KANSL3: variants seen among roughly 807,000 people sequenced by gnomAD.
The protein encoded by KANSL3 is NSL complex protein NSL3.
In KANSL3, 16 loss-of-function variants were observed where a neutral mutation model predicts 89.2. That is an observed-to-expected ratio of 0.18 (90% CI 0.12 to 0.27). KANSL3 has a LOEUF of 0.27. Among genes scored for constraint, KANSL3 ranks in the 10% least tolerant of loss-of-function variants. The probability of loss-of-function intolerance (pLI) is 1.00; values close to 1 mark genes in which losing one functional copy is unlikely to be tolerated. For synonymous variants in KANSL3, 385 were observed against 419.7 expected (o/e 0.92, Z 1.01); for missense variants, 879 against 1,110.6 (o/e 0.79, Z 2.96).
intron 3 of KANSL3, among the ~76,000 whole-genome samples, chr2:96,620,198 T>C (rs1423363549): frequency 3.3e-5 from 5 of 152,208 alleles, no homozygotes; most frequent in Admixed American, 6.5e-5. Context: ...TTTAATGTAC[T>C]AAAATCTCAG....
At chr2:96,601,459 G>T in intron 20 of KANSL3, 184 bp downstream of exon 20, 1 of 1,370,876 alleles carries the variant, frequency 7.3e-7, no homozygotes, top group Non-Finnish European at 9.4e-7. Flanking sequence ...TGTAGAAGAG[G>T]AAGCTCAAAG....
At chr2:96,612,600 A>G (rs1231855951) in intron 7 of KANSL3, 37 bp from the exon 8 acceptor site, 1 of 1,537,408 alleles carries the variant, frequency 6.5e-7, no homozygotes, top group Non-Finnish European at 9.0e-7. Context: ...CAGCAGAGGT[A>G]AGTTTCAAAT....
intron 20 of KANSL3, among the ~76,000 whole-genome samples, chr2:96,599,089 A>C (rs1315984904): frequency 6.6e-6 from 1 of 152,140 alleles, no homozygotes; most frequent in African/African-American, 2.4e-5. Flanking sequence ...CTATCAACCC[A>C]TAACAGAAGG....
In KANSL3 at chr2:96,612,162, G is replaced by C. The variant is rs184896672; in HGVS notation, c.1086+120C>G. ...AAATTTGTCTTCTACAGTTTAAAATGTAATTATATAGGTAAAGTATCTAGC... is the reference window on the plus strand; with the variant it reads ...AAATTTGTCTTCTACAGTTTAAAATCTAATTATATAGGTAAAGTATCTAGC... On this transcript the variant is annotated intron_variant, in intron 9 of 20. Coordinates refer to ENST00000431828, the MANE Select transcript of KANSL3 (RefSeq NM_001115016.3). The C allele has an allele frequency of 1.8e-3, 1,329 of 721,134 alleles. 8 individuals carry two copies. The Middle Eastern group carries it at 0.024, about 13-fold the overall frequency. 44.7% of individuals were successfully genotyped at this position (721,134 alleles called of 1,614,324 possible).
intron 2 of KANSL3, chr2:96,636,594 A>G (rs1026277964): frequency 4.2e-6 from 1 of 239,014 alleles, no homozygotes; most frequent in Non-Finnish European, 8.1e-6. Context: ...TCCTGTGGGT[A>G]ATCTTTTAAA....
At chr2:96,612,987 T>C (rs200742487) in intron 6 of KANSL3, 53 bp from the exon 7 acceptor site, 75 of 1,252,618 alleles carry the variant, frequency 6.0e-5, no homozygotes, top group Non-Finnish European at 3.8e-5. Context: ...TGTCCTTTCA[T>C]GAAATTCCAA....
intron 5 of KANSL3, 123 bp downstream of exon 5, chr2:96,619,236 C>T: frequency 1.3e-6 from 1 of 791,590 alleles, no homozygotes. Context: ...TAGTACCAAA[C>T]CCATTAGTTT....
At position 96,612,904 on chromosome 2, in the gene KANSL3, T is replaced by C. The variant is rs754150897; in HGVS notation, c.826A>G (p.Ile276Val). 3.9e-5 allele frequency: 61 copies of C among 1,561,896 alleles called. No homozygotes were observed. The highest frequency in any genetic ancestry group is 5.1e-5 in the Non-Finnish European group (59 of 1,151,964). Residue 276 changes from isoleucine to valine, a missense_variant, in exon 7 of 21, where the codon ATC (isoleucine) becomes GTC (valine). By Grantham distance (29) the Ile-to-Val change is conservative. This residue lies in a region of KANSL3 where 198 missense variants were observed against 260.3 expected (regional missense o/e 0.76). Transcript: ENST00000431828. ...GAGCTGGAGGGACCAGAGGAGGCGA[T>C]GAGAATCAGCGGAGAGCCAGGGAGT... Reference protein sequence around the residue: ...SKLPGSPLILIASSGPSSSVF... With the variant: ...SKLPGSPLILVASSGPSSSVF...
intron 5 of KANSL3, among the ~76,000 whole-genome samples, chr2:96,616,626 T>A (rs996804566): frequency 1.3e-5 from 2 of 152,200 alleles, no homozygotes; most frequent in Non-Finnish European, 1.5e-5. Context: ...AAGTATTTGT[T>A]GTGAATCTAA....
At chr2:96,612,764 C>T in intron 7 of KANSL3, 54 bp downstream of exon 7, 1 of 1,405,618 alleles carries the variant, frequency 7.1e-7, no homozygotes, top group South Asian at 1.2e-5. Flanking sequence ...TCTCCTCAAT[C>T]CTCCAAGACT....
Position 96,604,343 on chromosome 2 carries a change from C to T in KANSL3, c.2056G>A (p.Val686Ile). ...GTGCTGCTGGAGACCACTGAAGGGA[C>T]TGGGCTGGCTGAGACTCCACCTTCA... ...SSEGGVSASP[V>I]PSVVSSSTAP... Residue 686 changes from valine to isoleucine, a missense_variant, in exon 17 of 21, where the codon GTC becomes ATC. Coordinates refer to ENST00000431828, the MANE Select transcript of KANSL3 (RefSeq NM_001115016.3). The T allele has an allele frequency of 6.2e-7, 1 of 1,612,984 alleles. No homozygotes were observed. Among genetic ancestry groups the T allele is most frequent in the Non-Finnish European group, 8.5e-7 (1 of 1,179,880 alleles).
At position 96,605,402 on chromosome 2, in the gene KANSL3, T is replaced by C. The variant is rs1464535382; in HGVS notation, c.1851A>G (p.Arg617=). The C allele has an allele frequency of 6.2e-6, 10 of 1,613,934 alleles. No homozygotes were observed. Among genetic ancestry groups the C allele is most frequent in the Non-Finnish European group, 8.5e-6 (10 of 1,179,866 alleles). ...AGATAAGGGACACCTTGATCTTCGG[T>C]CGTTTGGAGGTCTTACTGCCAGGAA... is the stretch of plus-strand genomic sequence containing the variant. ...SPLPGSKTSK[R]PKIKVSLISQ... Residue 617 remains arginine (R), a synonymous_variant, in exon 15 of 21, where the codon CGA becomes CGG. Transcript: ENST00000431828.
rs139440464 is a variant in KANSL3, at chr2:96,607,906, A to G, written c.1741+602T>C. Among the ~76,000 whole-genome samples, 17 of 152,154 alleles carry G rather than the reference A, an allele frequency of 1.1e-4. 2 individuals carry two copies. The highest frequency in any genetic ancestry group is 4.1e-4 in the African/African-American group (17 of 41,514). On this transcript the variant is annotated intron_variant, in intron 14 of 20. Coordinates refer to ENST00000431828, the MANE Select transcript of KANSL3 (RefSeq NM_001115016.3). The stretch of plus-strand genomic sequence containing the variant: ...TACCTCAAGGCCACCCAACTGGATC[A>G]ATGTGGGGGAAGGGGGACAGAACCA...
In KANSL3 at chr2:96,605,329, C is replaced by A; in HGVS notation, c.1924G>T (p.Ala642Ser). The A allele has an allele frequency of 6.2e-7, 1 of 1,609,168 alleles. No individual in the cohort carries two copies. Among genetic ancestry groups the A allele is most frequent in the Non-Finnish European group, 8.5e-7 (1 of 1,177,032 alleles). ...ACCAAGAGAAACTCACCTTCTGGAG[C>A]ACTTCCTTGGGAAGGAGCACAAGGC... is the stretch of plus-strand genomic sequence containing the variant. ...GGPCAPSQGS[A>S]PEAAGGKPIT... The change falls in exon 15 of 21, where the codon GCT becomes TCT. Residue 642 changes from alanine to serine, a missense_variant. This residue lies in a region of KANSL3 where 317 missense variants were observed against 311.2 expected (regional missense o/e 1.02). Transcript: ENST00000431828.
intron 12 of KANSL3, 102 bp downstream of exon 12, chr2:96,609,397 T>C: frequency 1.0e-6 from 1 of 972,974 alleles, no homozygotes; most frequent in Non-Finnish European, 1.6e-6. Flanking sequence ...GAGGCCCCAG[T>C]GGAGGCCTTA....
chr2:96,602,125 G>C lies in KANSL3; in HGVS notation c.2473C>G (p.Gln825Glu). 6.3e-7 allele frequency: 1 copy of C among 1,577,796 alleles called. No individual in the cohort carries two copies. The highest frequency in any genetic ancestry group is 1.2e-5 in the South Asian group (1 of 86,004). ...SLPGLAQISN[Q>E]ASGLKVPTTI... is the part of the protein sequence containing the mutation. ...CTCATGAGAGACTCACCTGATGCTT[G>C]GTTAGAGATCTGAGCCAGGCCAGGG... Residue 825 changes from glutamine (Q) to glutamate (E), a missense_variant, in exon 19 of 21, where the codon CAA becomes GAA. Coordinates refer to ENST00000431828, the MANE Select transcript of KANSL3 (RefSeq NM_001115016.3).
At chr2:96,618,996 G>A (rs934160657) in intron 5 of KANSL3, among the ~76,000 whole-genome samples, 8 of 152,200 alleles carry the variant, frequency 5.3e-5, no homozygotes, top group Non-Finnish European at 7.3e-5. Flanking sequence ...CCAGTGCTCC[G>A]AGCACCAAGG....
In KANSL3 at chr2:96,593,559, A is replaced by T. The variant is rs1423363974; in HGVS notation, c.*2052T>A. 3 of 323,334 alleles carry T rather than the reference A, an allele frequency of 9.3e-6. No homozygotes were observed. The highest frequency in any genetic ancestry group is 6.5e-5 in the African/African-American group (3 of 46,394). 20.0% of individuals were successfully genotyped at this position (323,334 alleles called of 1,614,324 possible). On this transcript the variant is annotated 3_prime_UTR_variant, in exon 21 of 21. Coordinates refer to ENST00000431828, the MANE Select transcript of KANSL3 (RefSeq NM_001115016.3). ...CCCTGTGCAAGTTGTAGAACAATCCACGTTCTCACAGCTCCCCTTCTTCAG... is the reference window on the plus strand; with the variant it reads ...CCCTGTGCAAGTTGTAGAACAATCCTCGTTCTCACAGCTCCCCTTCTTCAG...
At chr2:96,606,070 G>A (rs2067933598) in intron 14 of KANSL3, 1 of 152,364 alleles carries the variant, frequency 6.6e-6, no homozygotes, top group South Asian at 2.1e-4. Context: ...CCACAGTTGA[G>A]GATCCACTTG....
Sources: gnomAD v4.1 joint callset for allele counts (sites outside exome capture counted in the v4.1 genomes callset) on GRCh38, gnomAD v4.1.1 for gene constraint, gnomAD v4.1.1 regional missense constraint, MANE v1.5 for transcripts, NCBI Gene and HGNC (gene_info 2026-07-23, HGNC 2026-07-21) for gene names.